SVEP1: variants seen among roughly 807,000 people sequenced by gnomAD.
The protein encoded by SVEP1 is sushi, von Willebrand factor type A, EGF and pentraxin domain-containing protein 1.
In SVEP1, 164 loss-of-function variants were observed where a neutral mutation model predicts 367.3. The ratio of observed to expected loss-of-function variants is 0.45; its 90% CI spans 0.39 to 0.51. The LOEUF (loss-of-function observed/expected upper bound fraction) is 0.51, where lower values mean the gene tolerates loss of function less well. Ranked by LOEUF, SVEP1 falls within the 20% of genes least tolerant of loss-of-function variation. The pLI is 0.00. For missense variants in SVEP1, 4,117 were observed against 4,425.3 expected (o/e 0.93, Z 1.98); for synonymous variants, 1,666 against 1,611.6 (o/e 1.03, Z -0.81).
chr9:110,513,904 A>G (rs1464449882), intron 4 of SVEP1, 44 bp downstream of exon 4: 1 of 1,575,162 alleles, frequency 6.3e-7, no homozygotes, highest in South Asian at 1.2e-5. Flanking sequence ...CTCTCAGAGA[A>G]ATCAGCTTTT....
At chr9:110,413,495 A>C (rs1042369341) in intron 36 of SVEP1, among the ~76,000 whole-genome samples, 10 of 151,592 alleles carry the variant, frequency 6.6e-5, no homozygotes, top group Non-Finnish European at 1.3e-4. Context: ...TACATATGTA[A>C]CTAACCTGCA....
chr9:110,531,388 T>C (rs1333270184), intron 3 of SVEP1, among the ~76,000 whole-genome samples: 4 of 152,164 alleles, frequency 2.6e-5, no homozygotes, highest in Non-Finnish European at 2.9e-5. Flanking sequence ...CCACATGTCA[T>C]GGGAAGGACC....
chr9:110,438,076 A>G (rs868655670), intron 27 of SVEP1, among the ~76,000 whole-genome samples: 20 of 152,132 alleles, frequency 1.3e-4, no homozygotes, highest in South Asian at 2.1e-4. Context: ...TTTAAAACAC[A>G]TAACTCAGTA....
Position 110,575,635 on chromosome 9 carries a change from G to GA in SVEP1, c.531+3377dup, listed in dbSNP as rs543209417. 5.0e-4 allele frequency among the ~76,000 whole-genome samples: 75 copies of GA among 149,286 alleles called. No homozygotes were observed. The East Asian group carries it at 5.2e-3, about 10-fold the overall frequency. Reference sequence around the variant, plus strand: ...CATAAGCAATGAAAACAGTACAAATGAAAAAAAAATAGATCCAGTAGACTA... The same window carrying GA: ...CATAAGCAATGAAAACAGTACAAATGAAAAAAAAAATAGATCCAGTAGACTA... On this transcript the variant is annotated intron_variant, in intron 1 of 47. Transcript: ENST00000374469.
intron 40 of SVEP1, among the ~76,000 whole-genome samples, chr9:110,390,114 T>TATAC (rs1448349214): frequency 9.2e-6 from 1 of 108,602 alleles, no homozygotes; most frequent in African/African-American, 3.2e-5. Flanking sequence ...TATAAGTATA[T>TATAC]ATACATACAT....
chr9:110,389,461 G>T, intron 41 of SVEP1, 63 bp downstream of exon 41: 1 of 1,572,568 alleles, frequency 6.4e-7, no homozygotes, highest in Non-Finnish European at 8.7e-7. Flanking sequence ...AGAAAATGTA[G>T]CCACACTGTT....
At chr9:110,575,220 T>A (rs1325908212) in intron 1 of SVEP1, among the ~76,000 whole-genome samples, 2 of 152,332 alleles carry the variant, frequency 1.3e-5, no homozygotes, top group East Asian at 3.9e-4. Context: ...AGGCAATTCC[T>A]CTGTTCAAGA....
chr9:110,383,365 C>T (rs1564124663), intron 43 of SVEP1, among the ~76,000 whole-genome samples: 1 of 152,166 alleles, frequency 6.6e-6, no homozygotes, highest in East Asian at 1.9e-4. Flanking sequence ...ACTCCAGACC[C>T]TATTTGCCTG....
intron 1 of SVEP1, among the ~76,000 whole-genome samples, chr9:110,578,695 G>C (rs1445507054): frequency 6.6e-6 from 1 of 152,158 alleles, no homozygotes; most frequent in Non-Finnish European, 1.5e-5. Context: ...ATGCTCACCT[G>C]TTTCAGCTTG....
chr9:110,503,283 T>A (rs1459129275), intron 5 of SVEP1, 66 bp from the exon 6 acceptor site: 4 of 1,493,888 alleles, frequency 2.7e-6, no homozygotes, highest in Non-Finnish European at 2.7e-6. Flanking sequence ...AATTACAAGT[T>A]TAGCAATGCC....
chr9:110,427,727 C>G lies in SVEP1; in HGVS notation c.5839G>C (p.Ala1947Pro). Residue 1947 changes from alanine to proline, a missense_variant, in exon 36 of 48, where the codon GCT becomes CCT. Coordinates refer to ENST00000374469, the MANE Select transcript of SVEP1 (RefSeq NM_153366.4). ...GGCGCTCTGTCCCAGATGCCAGAAG[C>G]CGTGCATTCAATAATGGAAGGGCCC... is the stretch of plus-strand genomic sequence containing the variant. Reference protein sequence around the residue: ...LQGPSIIECTASGIWDRAPPA... With the variant: ...LQGPSIIECTPSGIWDRAPPA... The G allele has an allele frequency of 6.2e-7, 1 of 1,613,176 alleles. No individual in the cohort carries two copies. Among genetic ancestry groups the G allele is most frequent in the South Asian group, 1.1e-5 (1 of 90,936 alleles).
At chr9:110,494,288 T>C (rs1829413075) in intron 8 of SVEP1, among the ~76,000 whole-genome samples, 1 of 152,234 alleles carries the variant, frequency 6.6e-6, no homozygotes, top group South Asian at 2.1e-4. Flanking sequence ...AGGGGGAAAA[T>C]AGCATCAATT....
At chr9:110,376,969 A>T (rs949553782) in intron 45 of SVEP1, 1 of 246,718 alleles carries the variant, frequency 4.1e-6, no homozygotes, top group African/African-American at 2.2e-5. Flanking sequence ...ACCTTGAGTT[A>T]AGGGAAGAGG....
chr9:110,398,244 G>C (rs1827799963), intron 40 of SVEP1, among the ~76,000 whole-genome samples: 1 of 152,098 alleles, frequency 6.6e-6, no homozygotes, highest in East Asian at 1.9e-4. Flanking sequence ...AATGGGGAAA[G>C]GATTCCCTAT....
rs1294680343 is a variant in SVEP1, at chr9:110,455,625, C to T, written c.3752G>A (p.Gly1251Glu). The stretch of plus-strand genomic sequence containing the variant: ...TGATGGGCACTCACAAATGAATTCC[C>T]CAACTAGGTCTTTACAAACTCCATT... ...LNNGVCKDLV[G>E]EFICECPSGY... is the part of the protein sequence containing the mutation. Residue 1251 changes from glycine (G) to glutamate (E), a missense_variant, in exon 22 of 48, where the codon GGG becomes GAG. This residue lies in a region of SVEP1 where 2,174 missense variants were observed against 2,494.3 expected (regional missense o/e 0.87). Transcript: ENST00000374469. 1.9e-6 allele frequency: 3 copies of T among 1,613,514 alleles called. No individual in the cohort carries two copies. In the South Asian group the frequency reaches 3.3e-5, roughly 18 times the overall value.
chr9:110,527,980 C>T (rs1356492518), intron 3 of SVEP1, among the ~76,000 whole-genome samples: 29 of 151,206 alleles, frequency 1.9e-4, no homozygotes, highest in Non-Finnish European at 3.0e-5. Flanking sequence ...TCCTGAGTTA[C>T]TTCACTTAGG....
At chr9:110,487,283 T>C (rs188431627) in intron 9 of SVEP1, among the ~76,000 whole-genome samples, 1 of 152,286 alleles carries the variant, frequency 6.6e-6, no homozygotes, top group African/African-American at 2.4e-5. Context: ...GGGAATTCAG[T>C]TAAAGTCTAG....
intron 1 of SVEP1, among the ~76,000 whole-genome samples, chr9:110,551,855 ACT>A (rs921050591): frequency 2.0e-4 from 30 of 151,480 alleles, no homozygotes; most frequent in African/African-American, 6.8e-4. Flanking sequence ...AACTCTCCAC[ACT>A]CTCTCCACAC....
Position 110,558,333 on chromosome 9 carries a change from CAA to C in SVEP1, c.532-8231_532-8230del, listed in dbSNP as rs60516091. On this transcript the variant is annotated intron_variant, in intron 1 of 47. Transcript: ENST00000374469. ...GCAACATGGAGAAACCCTGTCTCTA[CAA>C]AAAAAAAAAAAAAAAAAAATTGCAA... is the stretch of plus-strand genomic sequence containing the variant. Among the ~76,000 whole-genome samples the C allele has an allele frequency of 9.5e-3, 842 of 88,364 alleles. 4 individuals are homozygous for C. The highest frequency in any genetic ancestry group is 0.031 in the African/African-American group (664 of 21,374). 58.0% of individuals were successfully genotyped at this position (88,364 alleles called of 152,430 possible).
Sources: allele counts gnomAD v4.1 joint callset (sites outside exome capture counted in the v4.1 genomes callset), GRCh38; gene constraint gnomAD v4.1.1; regional missense constraint gnomAD v4.1.1; transcripts MANE v1.5; gene names NCBI Gene and HGNC (gene_info 2026-07-23, HGNC 2026-07-21).